Variants in PAPPA observed in about 807,000 individuals in gnomAD.
PAPPA encodes pappalysin 1.
PAPPA carries 60 observed loss-of-function variants against 164.0 expected under a neutral mutation model. That is an observed-to-expected ratio of 0.37 (90% CI 0.30 to 0.45). PAPPA has a LOEUF of 0.45. Ranked by LOEUF, PAPPA falls within the 20% of genes least tolerant of loss-of-function variation. The pLI, the probability that PAPPA is intolerant of heterozygous loss-of-function variation, is 1.00. For missense variants in PAPPA, 1,782 were observed against 2,087.3 expected (o/e 0.85, Z 2.85); for synonymous variants, 875 against 814.1 (o/e 1.07, Z -1.27).
chr9:116,384,270 T>TTAATAA (rs3040228), intron 21 of PAPPA, among the ~76,000 whole-genome samples: 41,085 of 138,024 alleles, frequency 0.3, 6,368 homozygotes, highest in Non-Finnish European at 0.34. Context: ...CTACACGTAA[T>TTAATAA]TAATAATAAT....
intron 2 of PAPPA, among the ~76,000 whole-genome samples, chr9:116,190,696 T>C (rs917751458): frequency 1.3e-5 from 2 of 152,196 alleles, no homozygotes; most frequent in African/African-American, 4.8e-5. Context: ...GGAGGGGCCA[T>C]GGGGCCCCAG....
chr9:116,191,642 C>T (rs987529790), intron 2 of PAPPA, among the ~76,000 whole-genome samples: 3 of 152,042 alleles, frequency 2.0e-5, no homozygotes, highest in African/African-American at 7.2e-5. Context: ...GGACAGGAGA[C>T]TGAAAAAGCA....
In PAPPA at chr9:116,347,820, C is replaced by A. The variant is rs1004161059; in HGVS notation, c.3964+611C>A. Among the ~76,000 whole-genome samples the A allele has an allele frequency of 6.6e-6, 1 of 152,156 alleles. No homozygotes were observed. Among genetic ancestry groups the A allele is most frequent in the African/African-American group, 2.4e-5 (1 of 41,438 alleles). The stretch of plus-strand genomic sequence containing the variant: ...ACCAGGGCTATTGAGGGGAAAAAGA[C>A]ACTGGCATACCAGAGAAGAGGTCAC... On this transcript the variant is annotated intron_variant, in intron 15 of 21. Transcript: ENST00000328252. This position sits in a 1 kb window ranked among gnomAD's most constrained non-coding sequence, Gnocchi z 4.5.
chr9:116,390,966 ACTTC>A (rs1461643627), intron 21 of PAPPA, among the ~76,000 whole-genome samples: 3 of 152,070 alleles, frequency 2.0e-5, no homozygotes, highest in Admixed American at 6.6e-5. Context: ...TACCCAACAT[ACTTC>A]TGTGTGGTAG....
At chr9:116,222,942 G>A (rs2118712478) in intron 5 of PAPPA, among the ~76,000 whole-genome samples, 1 of 152,152 alleles carries the variant, frequency 6.6e-6, no homozygotes, top group South Asian at 2.1e-4. Context: ...ACATCTTACT[G>A]TACTCCATGA....
In PAPPA at chr9:116,271,313, T is replaced by A; in HGVS notation, c.2862-12T>A. 6.2e-7 allele frequency: 1 copy of A among 1,605,886 alleles called. No individual in the cohort carries two copies. The highest frequency in any genetic ancestry group is 8.5e-7 in the Non-Finnish European group (1 of 1,172,776). On this transcript the variant is annotated splice_polypyrimidine_tract_variant and intron_variant, in intron 8 of 21. Transcript: ENST00000328252. This position sits in a 1 kb window ranked among gnomAD's most constrained non-coding sequence, Gnocchi z 4.2. ...TAAATTGGCAAATTTCTCTTCCATA[T>A]CTGCTCTGCAGAGACCAAGGTGAAC...
chr9:116,183,223 A>T (rs1843927915), intron 1 of PAPPA, among the ~76,000 whole-genome samples: 1 of 152,160 alleles, frequency 6.6e-6, no homozygotes, highest in Non-Finnish European at 1.5e-5. Context: ...TCCTGTATAG[A>T]GATCCTCAGA....
chr9:116,310,648 C>G (rs943150105), intron 10 of PAPPA, among the ~76,000 whole-genome samples: 1 of 152,190 alleles, frequency 6.6e-6, no homozygotes, highest in Non-Finnish European at 1.5e-5. Flanking sequence ...GCTCCTGGCT[C>G]TCTCTTCTAT....
chr9:116,388,084 T>A (rs965397327), intron 21 of PAPPA, among the ~76,000 whole-genome samples: 2 of 152,118 alleles, frequency 1.3e-5, no homozygotes, highest in Non-Finnish European at 2.9e-5. Context: ...CCCTTATTTG[T>A]CTGTACAGAC....
At chr9:116,232,998 T>G (rs1181006583) in intron 6 of PAPPA, among the ~76,000 whole-genome samples, 1 of 152,202 alleles carries the variant, frequency 6.6e-6, no homozygotes, top group African/African-American at 2.4e-5. Context: ...GAAGATTACA[T>G]CATCCCTTGC....
At chr9:116,261,395 G>A (rs994043806) in intron 7 of PAPPA, among the ~76,000 whole-genome samples, 11 of 152,116 alleles carry the variant, frequency 7.2e-5, no homozygotes, top group Non-Finnish European at 1.2e-4. Flanking sequence ...TGTTTCCATA[G>A]GGTAATGAGC....
At chr9:116,244,555 T>C (rs906440063) in intron 7 of PAPPA, among the ~76,000 whole-genome samples, 1 of 152,154 alleles carries the variant, frequency 6.6e-6, no homozygotes, top group Non-Finnish European at 1.5e-5. Context: ...AGAGTATTAT[T>C]TCAAGAGGTT....
intron 1 of PAPPA, among the ~76,000 whole-genome samples, chr9:116,168,273 T>A (rs1843737630): frequency 6.6e-6 from 1 of 152,222 alleles, no homozygotes; most frequent in South Asian, 2.1e-4. Context: ...CTATTTCATA[T>A]GTAGTTATTC....
chr9:116,350,563 C>A (rs535737893), intron 15 of PAPPA, among the ~76,000 whole-genome samples: 7 of 152,142 alleles, frequency 4.6e-5, no homozygotes, highest in African/African-American at 1.7e-4. Flanking sequence ...CAGAAAACCA[C>A]GACTTTCACT....
At chr9:116,346,612 C>T (rs1303457909) in intron 14 of PAPPA, among the ~76,000 whole-genome samples, 1 of 152,190 alleles carries the variant, frequency 6.6e-6, no homozygotes, top group Non-Finnish European at 1.5e-5. Flanking sequence ...ACTTGATGTC[C>T]TACCATTGAA....
At chr9:116,380,338 A>G (rs1846714920) in intron 20 of PAPPA, among the ~76,000 whole-genome samples, 1 of 152,188 alleles carries the variant, frequency 6.6e-6, no homozygotes, top group Admixed American at 6.5e-5. Flanking sequence ...AGGTGGATGA[A>G]AGGATATGGT....
At chr9:116,185,005 G>T (rs779026611) in intron 1 of PAPPA, among the ~76,000 whole-genome samples, 3 of 152,176 alleles carry the variant, frequency 2.0e-5, no homozygotes, top group Non-Finnish European at 2.9e-5. Context: ...CACATGTCAA[G>T]TTTCCTAAAA....
intron 12 of PAPPA, chr9:116,332,836 T>A (rs770151336): frequency 8.4e-5 from 15 of 178,714 alleles, no homozygotes; most frequent in Non-Finnish European, 1.8e-4. Context: ...AGACCCCAAG[T>A]CACATGGCAG....
intron 9 of PAPPA, among the ~76,000 whole-genome samples, chr9:116,285,167 C>CTTTT (rs1177249949): frequency 1.8e-4 from 16 of 90,076 alleles, no homozygotes; most frequent in African/African-American, 4.3e-4. Context: ...TCTTTTCTTT[C>CTTTT]TTTCTTTTTT....
Sources: gnomAD v4.1 joint callset for allele counts (sites outside exome capture counted in the v4.1 genomes callset) on GRCh38, gnomAD v4.1.1 for gene constraint, Gnocchi (gnomAD v3.1) non-coding constraint, MANE v1.5 for transcripts, NCBI Gene and HGNC (gene_info 2026-07-23, HGNC 2026-07-21) for gene names.